Variants in AGBL4 observed in about 807,000 individuals in gnomAD.
AGBL4 encodes AGBL carboxypeptidase 4.
A neutral mutation model predicts 66.4 loss-of-function variants in AGBL4; 58 were observed. That is an observed-to-expected ratio of 0.87 (90% CI 0.71 to 1.09). The LOEUF is 1.09. AGBL4 is among the 50% of genes least tolerant of loss of function. The probability of loss-of-function intolerance (pLI) is 0.00; values close to 1 mark genes in which losing one functional copy is unlikely to be tolerated. For synonymous variants in AGBL4, 234 were observed against 222.9 expected (o/e 1.05, Z -0.44); for missense variants, 579 against 631.0 (o/e 0.92, Z 0.88).
chr1:49,871,058 C>A (rs931156467), intron 1 of AGBL4, among the ~76,000 whole-genome samples: 2 of 151,968 alleles, frequency 1.3e-5, no homozygotes, highest in African/African-American at 4.8e-5. Context: ...AAGAGGCGGG[C>A]ATGTGAAATT....
At chr1:48,609,093 GC>G (rs1645197407) in intron 9 of AGBL4, among the ~76,000 whole-genome samples, 1 of 152,148 alleles carries the variant, frequency 6.6e-6, no homozygotes, top group Non-Finnish European at 1.5e-5. Flanking sequence ...GCAGACACAG[GC>G]AGACAAGACA....
At chr1:49,599,484 T>C (rs1244937484) in intron 3 of AGBL4, among the ~76,000 whole-genome samples, 2 of 151,994 alleles carry the variant, frequency 1.3e-5, no homozygotes, top group East Asian at 3.9e-4. Context: ...TCTTCTATCA[T>C]GTTTATTGAT....
intron 3 of AGBL4, among the ~76,000 whole-genome samples, chr1:49,258,714 C>G (rs1652794425): frequency 6.6e-6 from 1 of 152,134 alleles, no homozygotes; most frequent in Non-Finnish European, 1.5e-5. Flanking sequence ...AGAATGGAAC[C>G]AAGTTGGAAA....
chr1:49,503,132 G>A (rs1333394089), intron 3 of AGBL4, among the ~76,000 whole-genome samples: 3 of 152,118 alleles, frequency 2.0e-5, no homozygotes, highest in Admixed American at 1.3e-4. Flanking sequence ...TTGGTGCCCT[G>A]TGTCCCAGCC....
At chr1:49,330,891 C>G (rs1645318777) in intron 3 of AGBL4, among the ~76,000 whole-genome samples, 1 of 152,058 alleles carries the variant, frequency 6.6e-6, no homozygotes, top group Non-Finnish European at 1.5e-5. Context: ...TAGGCCTGAT[C>G]AGGGAAACAA....
intron 11 of AGBL4, among the ~76,000 whole-genome samples, chr1:48,569,730 A>G (rs1452141090): frequency 6.6e-6 from 1 of 152,200 alleles, no homozygotes; most frequent in African/African-American, 2.4e-5. Context: ...GGGTTTGCGA[A>G]TCAGGAGAAA....
chr1:49,748,095 G>A (rs149351228), intron 2 of AGBL4, among the ~76,000 whole-genome samples: 3 of 152,042 alleles, frequency 2.0e-5, no homozygotes, highest in Non-Finnish European at 4.4e-5. Context: ...ATGTCCCACC[G>A]TGGTTTGCTG....
chr1:48,577,961 T>C (rs1373064095), intron 11 of AGBL4, among the ~76,000 whole-genome samples: 1 of 152,188 alleles, frequency 6.6e-6, no homozygotes, highest in African/African-American at 2.4e-5. Context: ...CACTTTGAGC[T>C]GGATCAATCT....
chr1:48,590,925 T>C lies in AGBL4; in HGVS notation c.1012A>G (p.Met338Val), dbSNP rs746715809. The change falls in exon 10 of 14, where the codon ATG becomes GTG. Residue 338 changes from methionine to valine, a missense_variant. Transcript: ENST00000371839. ...TCATCCTCAAAGATGTTGCCATACA[T>C]GAAGCCATTCATCATGGTGGAGTGG... ...HAHSTMMNGF[M>V]YGNIFEDEER... The C allele has an allele frequency of 1.2e-6, 2 of 1,610,690 alleles. No individual in the cohort carries two copies. Among genetic ancestry groups the C allele is most frequent in the Non-Finnish European group, 1.7e-6 (2 of 1,178,718 alleles).
At position 49,742,103 on chromosome 1, in the gene AGBL4, G is replaced by A. The variant is rs188746006; in HGVS notation, c.158-44666C>T. Among the ~76,000 whole-genome samples the A allele has an allele frequency of 7.9e-5, 12 of 152,256 alleles. No individual in the cohort carries two copies. In the East Asian group the frequency reaches 2.3e-3, roughly 29 times the overall value. On this transcript the variant is annotated intron_variant, in intron 2 of 13. Coordinates refer to ENST00000371839, the MANE Select transcript of AGBL4 (RefSeq NM_032785.4). ...AGGCATTCAATTAGGAAGAGAGGAA[G>A]TCAAATTATCCCTGTTTGCAGATGA...
chr1:49,142,347 A>C (rs936415145), intron 4 of AGBL4, among the ~76,000 whole-genome samples: 1 of 152,170 alleles, frequency 6.6e-6, no homozygotes, highest in African/African-American at 2.4e-5. Context: ...CTCAAAAAAA[A>C]ACTCAACATA....
At chr1:48,785,031 G>A (rs1645378616) in intron 6 of AGBL4, among the ~76,000 whole-genome samples, 1 of 152,184 alleles carries the variant, frequency 6.6e-6, no homozygotes, top group Non-Finnish European at 1.5e-5. Flanking sequence ...GTTGCCTCTG[G>A]TTTCCTTTAT....
At chr1:49,448,627 C>T (rs1051550590) in intron 3 of AGBL4, among the ~76,000 whole-genome samples, 6 of 152,094 alleles carry the variant, frequency 3.9e-5, no homozygotes, top group Non-Finnish European at 8.8e-5. Flanking sequence ...CAGAACCACA[C>T]GGCATGAGCA....
chr1:49,958,599 A>T (rs1656838634), intron 1 of AGBL4, among the ~76,000 whole-genome samples: 1 of 151,452 alleles, frequency 6.6e-6, no homozygotes, highest in Non-Finnish European at 1.5e-5. Flanking sequence ...CAAGGAGAGA[A>T]GACCAAATAC....
intron 5 of AGBL4, among the ~76,000 whole-genome samples, chr1:48,871,756 T>C (rs1184282158): frequency 1.3e-5 from 2 of 151,994 alleles, no homozygotes; most frequent in Non-Finnish European, 2.9e-5. Flanking sequence ...TGCCAGAGTG[T>C]CTATAGTGGA....
At chr1:48,850,733 T>C (rs964024825) in intron 6 of AGBL4, among the ~76,000 whole-genome samples, 2 of 152,108 alleles carry the variant, frequency 1.3e-5, no homozygotes, top group African/African-American at 4.8e-5. Context: ...CCCAGGCTGA[T>C]CTCAAACTCC....
At chr1:49,160,037 A>G (rs1483160993) in intron 4 of AGBL4, among the ~76,000 whole-genome samples, 1 of 152,132 alleles carries the variant, frequency 6.6e-6, no homozygotes, top group Non-Finnish European at 1.5e-5. Flanking sequence ...AGAGTTTGTT[A>G]TTACACACCT....
At chr1:49,768,318 T>C (rs992035110) in intron 2 of AGBL4, among the ~76,000 whole-genome samples, 8 of 152,218 alleles carry the variant, frequency 5.3e-5, no homozygotes, top group African/African-American at 1.9e-4. Context: ...ATCAAAATGT[T>C]AATTGACCAT....
At chr1:49,754,064 A>T (rs1651688507) in intron 2 of AGBL4, among the ~76,000 whole-genome samples, 1 of 152,232 alleles carries the variant, frequency 6.6e-6, no homozygotes, top group South Asian at 2.1e-4. Flanking sequence ...TCTGAAGCCT[A>T]CTTCTGTCAA....
Sources: allele counts gnomAD v4.1 joint callset (sites outside exome capture counted in the v4.1 genomes callset), GRCh38; gene constraint gnomAD v4.1.1; transcripts MANE v1.5; gene names NCBI Gene and HGNC (gene_info 2026-07-23, HGNC 2026-07-21).